Variants in MRC1 observed in about 807,000 individuals in gnomAD.
MRC1 encodes mannose receptor C-type 1.
In MRC1, 62 loss-of-function variants were observed where a neutral mutation model predicts 102.9. The ratio of observed to expected loss-of-function variants is 0.60; its 90% confidence interval spans 0.49 to 0.74. MRC1 has a LOEUF of 0.74. MRC1 is among the 30% of genes least tolerant of loss of function. The pLI, the probability that MRC1 is intolerant of heterozygous loss-of-function variation, is 0.00. For synonymous variants in MRC1, 457 were observed against 298.4 expected (o/e 1.53, Z -5.48); for missense variants, 1,237 against 862.8 (o/e 1.43, Z -5.43).
At chr10:17,814,097 A>T (rs1838269487) in intron 1 of MRC1, among the ~76,000 whole-genome samples, 1 of 152,218 alleles carries the variant, frequency 6.6e-6, no homozygotes, top group Non-Finnish European at 1.5e-5. Context: ...ATAGCTTCCC[A>T]TAAAGCAGAT....
intron 26 of MRC1, among the ~76,000 whole-genome samples, chr10:17,905,582 T>C (rs1454698335): frequency 6.6e-6 from 1 of 151,548 alleles, no homozygotes; most frequent in East Asian, 1.9e-4. Context: ...GACTCTTTTC[T>C]GGTAAATAAA....
intron 3 of MRC1, among the ~76,000 whole-genome samples, chr10:17,831,491 G>A (rs1464995006): frequency 1.3e-5 from 2 of 151,330 alleles, no homozygotes; most frequent in Admixed American, 6.6e-5. Context: ...GGGACCACAA[G>A]TTTCATATCA....
intron 1 of MRC1, among the ~76,000 whole-genome samples, chr10:17,819,194 A>G (rs1838358722): frequency 6.6e-6 from 1 of 152,160 alleles, no homozygotes; most frequent in Non-Finnish European, 1.5e-5. Context: ...GATGGGAAAA[A>G]CAGAAAGAGA....
intron 18 of MRC1, among the ~76,000 whole-genome samples, chr10:17,878,559 C>T (rs1833468630): frequency 6.6e-6 from 1 of 152,112 alleles, no homozygotes; most frequent in South Asian, 2.1e-4. Context: ...GTTTGAAGGG[C>T]AGATACGTCC....
At chr10:17,867,041 T>G (rs1187262624) in intron 12 of MRC1, among the ~76,000 whole-genome samples, 1 of 151,726 alleles carries the variant, frequency 6.6e-6, no homozygotes, top group Non-Finnish European at 1.5e-5. Context: ...CTTCTCTCCT[T>G]TCTCCCAGGC....
chr10:17,870,183 T>A, intron 12 of MRC1, 63 bp from the exon 13 acceptor site: 1 of 742,670 alleles, frequency 1.3e-6, no homozygotes, highest in Non-Finnish European at 2.5e-6. Flanking sequence ...AGTAAATATT[T>A]GTTTCTCTTA....
chr10:17,893,708 T>A (rs1833712912), intron 22 of MRC1, among the ~76,000 whole-genome samples: 3 of 152,282 alleles, frequency 2.0e-5, no homozygotes, highest in East Asian at 1.9e-4. Context: ...CCTGGCATAC[T>A]CCCCTGTAAG....
rs1249337951 is a variant in MRC1 at position 17,848,320 on chromosome 10, A to C, written c.1064-1259A>C. Among the ~76,000 whole-genome samples the C allele has an allele frequency of 3.9e-5, 6 of 152,352 alleles. 1 individual carries two copies. The Middle Eastern group carries it at 0.01, about 259-fold the overall frequency. ...TAGTATCTCTAGAATAGTAATAACA[A>C]GCAGCCATATATCAACTATAACTTC... On this transcript the variant is annotated intron_variant, in intron 6 of 29. Coordinates refer to ENST00000569591, the MANE Select transcript of MRC1 (RefSeq NM_002438.4).
chr10:17,897,667 A>G (rs1315200126), intron 23 of MRC1, among the ~76,000 whole-genome samples: 1 of 152,220 alleles, frequency 6.6e-6, no homozygotes, highest in African/African-American at 2.4e-5. Context: ...TGGAAAAATA[A>G]AGATTAGCAA....
At chr10:17,901,427 C>T (rs972795237) in intron 25 of MRC1, among the ~76,000 whole-genome samples, 2 of 152,084 alleles carry the variant, frequency 1.3e-5, no homozygotes, top group Non-Finnish European at 2.9e-5. Flanking sequence ...GGTGGCTCAC[C>T]CCTGTAATCC....
intron 15 of MRC1, 26 bp from the exon 16 acceptor site, chr10:17,873,758 A>C (rs1833388054): frequency 1.7e-5 from 15 of 871,560 alleles, no homozygotes. Flanking sequence ...AGTACACTTT[A>C]TTTCTATTTT....
At chr10:17,872,423 G>A (rs1404206717) in intron 15 of MRC1, among the ~76,000 whole-genome samples, 2 of 152,134 alleles carry the variant, frequency 1.3e-5, no homozygotes. Context: ...GTTTGTGAGT[G>A]TCCTATGCTG....
intron 11 of MRC1, 122 bp downstream of exon 11, chr10:17,863,804 T>C (rs1423775501): frequency 1.5e-6 from 1 of 674,144 alleles, no homozygotes; most frequent in Non-Finnish European, 2.7e-6. Context: ...TTAGTAACAA[T>C]TTATATTTCA....
intron 16 of MRC1, among the ~76,000 whole-genome samples, 153 bp from the exon 17 acceptor site, chr10:17,874,937 A>G (rs1833408827): frequency 6.6e-6 from 1 of 152,168 alleles, no homozygotes; most frequent in Admixed American, 6.5e-5. Context: ...AGATGTCTGT[A>G]TTTGACGTGG....
intron 6 of MRC1, among the ~76,000 whole-genome samples, chr10:17,846,840 T>C (rs1554840262): frequency 1.3e-5 from 2 of 152,212 alleles, no homozygotes. Context: ...GTGTAATGGA[T>C]TTTTAATTTA....
chr10:17,891,348 A>G (rs1833672907), intron 22 of MRC1, among the ~76,000 whole-genome samples: 1 of 151,434 alleles, frequency 6.6e-6, no homozygotes, highest in African/African-American at 2.4e-5. Flanking sequence ...TTATATTTTT[A>G]CTAGAGACGG....
In MRC1 at chr10:17,833,679, G is replaced by A; in HGVS notation, c.642G>A (p.Glu214=). 1 of 780,996 alleles carries A rather than the reference G, an allele frequency of 1.3e-6. No homozygotes were observed. 48.4% of individuals were successfully genotyped at this position (780,996 alleles called of 1,614,324 possible). A position where few individuals can be genotyped will look rare whatever the true frequency, so the allele number is the denominator to read the frequency against. Reference sequence around the variant, plus strand: ...TCCATCTGATTTCTTTCACAGTTGAGGGCAGTGAAAGCTTATGGAATAAAG... The same window carrying A: ...TCCATCTGATTTCTTTCACAGTTGAAGGCAGTGAAAGCTTATGGAATAAAG... ...KLFGYCPLKF[E]GSESLWNKDP... Residue 214 remains glutamate, a synonymous_variant, in exon 4 of 30, where the codon GAG becomes GAA. Coordinates refer to ENST00000569591, the MANE Select transcript of MRC1 (RefSeq NM_002438.4).
Position 17,837,638 on chromosome 10 carries a change from A to T in MRC1, c.803-3055A>T, listed in dbSNP as rs994595491. ...TTATTTTATTTTATTTATTATTATT[A>T]TTTTTTTTGAGACAAAGTCTCACTC... On this transcript the variant is annotated intron_variant, in intron 4 of 29. Transcript: ENST00000569591. Among the ~76,000 whole-genome samples, 36 of 150,914 alleles carry T rather than the reference A, an allele frequency of 2.4e-4. No homozygotes were observed. In the South Asian group the frequency reaches 2.5e-3, roughly 10 times the overall value.
At position 17,845,747 on chromosome 10, in the gene MRC1, T is replaced by C. The variant is rs1449339442; in HGVS notation, c.1063+312T>C. Among the ~76,000 whole-genome samples the C allele has an allele frequency of 2.0e-5, 3 of 152,152 alleles. No individual in the cohort carries two copies. The East Asian group carries it at 5.8e-4, about 29-fold the overall frequency. ...AAGATATTCAGAGGATACAGAAACC[T>C]TGCAGACATGGCAAAACCGGAATCC... On this transcript the variant is annotated intron_variant, in intron 6 of 29. Coordinates refer to ENST00000569591, the MANE Select transcript of MRC1 (RefSeq NM_002438.4).
Sources: gnomAD v4.1 joint callset for allele counts (sites outside exome capture counted in the v4.1 genomes callset) on GRCh38, gnomAD v4.1.1 for gene constraint, MANE v1.5 for transcripts, NCBI Gene and HGNC (gene_info 2026-07-23, HGNC 2026-07-21) for gene names.